The following BCAR3 variants were observed in gnomAD, a reference collection of about 807,000 sequenced individuals.
BCAR3 encodes breast cancer anti-estrogen resistance protein 3.
BCAR3 carries 37 observed loss-of-function variants against 80.1 expected under a neutral mutation model. That is an observed-to-expected ratio of 0.46 (90% CI 0.36 to 0.61). The LOEUF is 0.61. Among genes scored for constraint, BCAR3 ranks in the 20% least tolerant of loss-of-function variants. The pLI is 0.00. For synonymous variants in BCAR3, 389 were observed against 418.9 expected (o/e 0.93, Z 0.87); for missense variants, 978 against 1,068.2 (o/e 0.92, Z 1.18).
At chr1:93,808,720 A>C (rs551420640) in intron 2 of BCAR3, among the ~76,000 whole-genome samples, 13 of 152,354 alleles carry the variant, frequency 8.5e-5, no homozygotes, top group Admixed American at 2.0e-4. Context: ...AGTTAAAAAA[A>C]ATAGCTTGAT....
chr1:93,669,022 T>C (rs1420614621), intron 2 of BCAR3, among the ~76,000 whole-genome samples: 3 of 152,202 alleles, frequency 2.0e-5, no homozygotes, highest in Non-Finnish European at 4.4e-5. Context: ...CCAAGATTTT[T>C]TTTTTTAACT....
At chr1:93,816,670 CAAAAAAAAAAAAAA>C (rs60051218) in intron 2 of BCAR3, among the ~76,000 whole-genome samples, 12 of 53,892 alleles carry the variant, frequency 2.2e-4, no homozygotes, top group Admixed American at 1.4e-3. Context: ...GACTCCATCT[CAAAAAAAAAAAAAA>C]AAAAAAAAAA....
intron 2 of BCAR3, among the ~76,000 whole-genome samples, chr1:93,732,397 G>A (rs952689635): frequency 2.0e-5 from 3 of 152,098 alleles, no homozygotes; most frequent in African/African-American, 7.2e-5. Context: ...GGTACATCAC[G>A]TGAAGCCAGG....
At chr1:93,698,684 T>C (rs1387397383) in intron 3 of BCAR3, among the ~76,000 whole-genome samples, 1 of 152,226 alleles carries the variant, frequency 6.6e-6, no homozygotes, top group Non-Finnish European at 1.5e-5. Flanking sequence ...GTGTCCTTAG[T>C]CTGCCCTGTG....
rs575231827 is a variant in BCAR3 at position 93,748,675 on chromosome 1, A to C, written c.-62-42533T>G. 6.6e-5 allele frequency among the ~76,000 whole-genome samples: 10 copies of C among 152,354 alleles called. No homozygotes were observed. The South Asian group carries it at 2.1e-3, about 32-fold the overall frequency. On this transcript the variant is annotated intron_variant, in intron 2 of 13. Coordinates refer to the BCAR3 transcript ENST00000370244. ...TGTCTGCACAATTAAAAGCACCTCA[A>C]ATACTGACCTATATATTCTTATTGT...
intron 9 of BCAR3, among the ~76,000 whole-genome samples, chr1:93,571,238 G>C (rs567803412): frequency 6.6e-6 from 1 of 151,966 alleles, no homozygotes; most frequent in South Asian, 2.1e-4. Flanking sequence ...TCCAGGTACA[G>C]TGGCTCATGC....
rs370812327 is a variant in BCAR3, at chr1:93,562,137, A to G, written c.*104T>C. 34 of 1,239,492 alleles carry G rather than the reference A, an allele frequency of 2.7e-5. No individual in the cohort carries two copies. In the East Asian group the frequency reaches 2.8e-4, roughly 10 times the overall value. The allele number at this position is 1,239,492 out of a possible 1,614,324, so 76.8% of individuals were successfully genotyped here. A position where few individuals can be genotyped will look rare whatever the true frequency, so the allele number is the denominator to read the frequency against. ...TCCTGTGGATACTAAAAGCTTGTATATTGTCAGATTTGCACATTATTACTT... is the reference window on the plus strand; with the variant it reads ...TCCTGTGGATACTAAAAGCTTGTATGTTGTCAGATTTGCACATTATTACTT... On this transcript the variant is annotated 3_prime_UTR_variant, in exon 12 of 12. Coordinates refer to ENST00000260502, the MANE Select transcript of BCAR3 (RefSeq NM_003567.4).
At chr1:93,711,303 A>G (rs1650014231) in intron 2 of BCAR3, among the ~76,000 whole-genome samples, 1 of 152,132 alleles carries the variant, frequency 6.6e-6, no homozygotes, top group Non-Finnish European at 1.5e-5. Flanking sequence ...CTTAAGATAT[A>G]CTTGTATGGT....
chr1:93,683,485 C>G (rs972587534), upstream of BCAR3, among the ~76,000 whole-genome samples: 4 of 152,124 alleles, frequency 2.6e-5, no homozygotes, highest in Non-Finnish European at 5.9e-5. Flanking sequence ...CACATATTCA[C>G]CAAAAGATGT....
intron 11 of BCAR3, 41 bp downstream of exon 11, chr1:93,567,238 G>C: frequency 6.3e-7 from 1 of 1,595,012 alleles, no homozygotes; most frequent in South Asian, 1.1e-5. Flanking sequence ...TTTCAATTAC[G>C]ATACAGTGTT....
intron 2 of BCAR3, among the ~76,000 whole-genome samples, chr1:93,707,696 G>A (rs1557661527): frequency 6.6e-6 from 1 of 152,150 alleles, no homozygotes; most frequent in Non-Finnish European, 1.5e-5. Flanking sequence ...GATAGAGTGA[G>A]ACTCAGTCTC....
chr1:93,621,755 C>T (rs1675322229), intron 3 of BCAR3, among the ~76,000 whole-genome samples: 1 of 152,192 alleles, frequency 6.6e-6, no homozygotes, highest in Non-Finnish European at 1.5e-5. Flanking sequence ...CTCTCAACAA[C>T]CCCTCCTCAC....
intron 3 of BCAR3, among the ~76,000 whole-genome samples, chr1:93,623,234 A>C (rs905027332): frequency 3.3e-5 from 5 of 152,190 alleles, no homozygotes; most frequent in African/African-American, 1.2e-4. Context: ...AACATTTTAT[A>C]TATGTATCCT....
intron 2 of BCAR3, among the ~76,000 whole-genome samples, chr1:93,773,829 G>A (rs1471552017): frequency 6.6e-6 from 1 of 151,986 alleles, no homozygotes; most frequent in East Asian, 1.9e-4. Flanking sequence ...ATAAAAAACA[G>A]AACAGCCTTC....
At chr1:93,709,796 C>A (rs897158280) in intron 2 of BCAR3, among the ~76,000 whole-genome samples, 1 of 152,084 alleles carries the variant, frequency 6.6e-6, no homozygotes, top group Non-Finnish European at 1.5e-5. Flanking sequence ...TCAACTCAAC[C>A]GTCCTATATT....
At chr1:93,706,597 G>T (rs1331126462) in intron 2 of BCAR3, among the ~76,000 whole-genome samples, 1 of 152,150 alleles carries the variant, frequency 6.6e-6, no homozygotes, top group African/African-American at 2.4e-5. Context: ...GGACAAGCTA[G>T]TCAGCCTGTG....
At position 93,582,822 on chromosome 1, in the gene BCAR3, C is replaced by G. The variant is rs375645584; in HGVS notation, c.1165G>C (p.Gly389Arg). ...VRRVSSDARA[G>R]EALRGSDSQL... Reference sequence around the variant, plus strand: ...CTGTCTGATCCCCTCAGCGCCTCCCCAGCCCTGGCGTCTGAGGAGACCCTC... The same window carrying G: ...CTGTCTGATCCCCTCAGCGCCTCCCGAGCCCTGGCGTCTGAGGAGACCCTC... The change falls in exon 7 of 12, where the codon GGG becomes CGG. Residue 389 changes from glycine (G) to arginine (R), a missense_variant. Coordinates refer to ENST00000260502, the MANE Select transcript of BCAR3 (RefSeq NM_003567.4). The G allele has an allele frequency of 7.4e-6, 12 of 1,613,824 alleles. No homozygotes were observed. Among genetic ancestry groups the G allele is most frequent in the Non-Finnish European group, 1.0e-5 (12 of 1,180,032 alleles).
At chr1:93,662,087 G>A (rs1647687386) in intron 2 of BCAR3, among the ~76,000 whole-genome samples, 1 of 152,218 alleles carries the variant, frequency 6.6e-6, no homozygotes, top group Admixed American at 6.5e-5. Flanking sequence ...AGCAGGAGAG[G>A]TCTAAACAGA....
At chr1:93,628,630 A>T (rs1675518157) in intron 3 of BCAR3, among the ~76,000 whole-genome samples, 1 of 152,172 alleles carries the variant, frequency 6.6e-6, no homozygotes, top group Non-Finnish European at 1.5e-5. Context: ...CTTCTTGGTG[A>T]GGCCCTTCCC....
Sources: allele counts gnomAD v4.1 joint callset (sites outside exome capture counted in the v4.1 genomes callset), GRCh38; gene constraint gnomAD v4.1.1; transcripts MANE v1.5; gene names NCBI Gene and HGNC (gene_info 2026-07-23, HGNC 2026-07-21).